VGLL4: variants seen among roughly 807,000 people sequenced by gnomAD.
VGLL4 encodes the protein transcription cofactor vestigial-like protein 4.
Under a neutral mutation model 21.0 loss-of-function variants are expected in VGLL4, and 7 were observed. The observed-to-expected ratio is 0.33, with a 90% CI of 0.19 to 0.63. The LOEUF (loss-of-function observed/expected upper bound fraction) is 0.63. VGLL4 is among the 20% of genes least tolerant of loss of function. VGLL4 has a pLI of 0.78. For missense variants in VGLL4, 394 were observed against 425.7 expected (o/e 0.93, Z 0.66); for synonymous variants, 222 against 173.2 (o/e 1.28, Z -2.21).
At chr3:11,674,046 A>T (rs1246114513) in intron 2 of VGLL4, among the ~76,000 whole-genome samples, 2 of 151,372 alleles carry the variant, frequency 1.3e-5, no homozygotes, top group African/African-American at 4.9e-5. Flanking sequence ...AAGAAATCAG[A>T]ATGGTTTCAC....
At chr3:11,686,312 G>T (rs923587085) in intron 2 of VGLL4, among the ~76,000 whole-genome samples, 1 of 152,084 alleles carries the variant, frequency 6.6e-6, no homozygotes, top group African/African-American at 2.4e-5. Flanking sequence ...TACATACAAT[G>T]GAATATTATT....
intron 2 of VGLL4, among the ~76,000 whole-genome samples, chr3:11,574,785 A>ATGTGTGTGTGTGTGTG (rs375691226): frequency 1.1e-3 from 138 of 121,772 alleles, no homozygotes; most frequent in East Asian, 9.7e-3. Context: ...TCAACTATAT[A>ATGTGTGTGTGTGTGTG]TGTGTGTGTG....
intron 1 of VGLL4, among the ~76,000 whole-genome samples, chr3:11,612,348 C>T (rs538829000): frequency 5.0e-4 from 76 of 152,198 alleles, no homozygotes; most frequent in Non-Finnish European, 9.6e-4. Context: ...CTGCAACCTC[C>T]GTGGAATTGA....
chr3:11,643,862 C>G lies in VGLL4; in HGVS notation c.-344G>C. 9.8e-7 allele frequency: 1 copy of G among 1,022,292 alleles called. No homozygotes were observed. Among genetic ancestry groups the G allele is most frequent in the Non-Finnish European group, 1.2e-6 (1 of 853,242 alleles). 63.3% of individuals were successfully genotyped at this position (1,022,292 alleles called of 1,614,324 possible). Reference sequence around the variant, plus strand: ...CAGCCCGTTTCCTAGGACAAAGCGGCGCCGGCCCCTCTCACAGCCCGCTGC... The same window carrying G: ...CAGCCCGTTTCCTAGGACAAAGCGGGGCCGGCCCCTCTCACAGCCCGCTGC... On this transcript the variant is annotated 5_prime_UTR_variant, in exon 1 of 5. Transcript: ENST00000430365.
intron 1 of VGLL4, among the ~76,000 whole-genome samples, chr3:11,617,121 A>G (rs1384978883): frequency 6.6e-6 from 1 of 152,218 alleles, no homozygotes; most frequent in Non-Finnish European, 1.5e-5. Context: ...CACACATTTT[A>G]TATGAGGGAG....
intron 2 of VGLL4, among the ~76,000 whole-genome samples, chr3:11,579,595 TG>T (rs1209168853): frequency 1.3e-5 from 2 of 152,230 alleles, no homozygotes; most frequent in East Asian, 3.9e-4. Context: ...GAAAAGAACG[TG>T]GGGGGAGTTC....
intron 1 of VGLL4, among the ~76,000 whole-genome samples, chr3:11,713,973 G>A (rs1651470903): frequency 6.6e-6 from 1 of 152,022 alleles, no homozygotes; most frequent in African/African-American, 2.4e-5. Flanking sequence ...GGAGGGCAGG[G>A]GTACGATACT....
intron 1 of VGLL4, chr3:11,611,487 T>C (rs1189064307): frequency 6.6e-6 from 1 of 152,188 alleles, no homozygotes; most frequent in Admixed American, 6.5e-5. Context: ...TACATTTCTG[T>C]TGTTTAAACC....
chr3:11,578,833 T>TCCGCCTC, intron 2 of VGLL4, among the ~76,000 whole-genome samples: 1 of 137,134 alleles, frequency 7.3e-6, no homozygotes, highest in South Asian at 2.3e-4. Context: ...CATCGCAAGC[T>TCCGCCTC]CCACCTCCCA....
intron 2 of VGLL4, chr3:11,569,013 C>CT (rs1199179586): frequency 2.1e-6 from 2 of 951,288 alleles, no homozygotes; most frequent in East Asian, 1.8e-4. Context: ...ACAGAGCTTT[C>CT]TGAGTACTGA....
At chr3:11,631,711 T>A (rs1352449304) in intron 1 of VGLL4, among the ~76,000 whole-genome samples, 1 of 152,204 alleles carries the variant, frequency 6.6e-6, no homozygotes, top group East Asian at 1.9e-4. Context: ...TCTAATTTTA[T>A]GTTTGACAAA....
chr3:11,591,425 T>C (rs932471278), intron 2 of VGLL4, among the ~76,000 whole-genome samples: 34 of 152,306 alleles, frequency 2.2e-4, no homozygotes, highest in African/African-American at 7.2e-4. Context: ...CCCTTGGCAT[T>C]TCTTCATTCT....
At chr3:11,673,769 T>G (rs2076249435) in intron 2 of VGLL4, among the ~76,000 whole-genome samples, 1 of 151,998 alleles carries the variant, frequency 6.6e-6, no homozygotes, top group Admixed American at 6.6e-5. Context: ...ATCCTAGCAC[T>G]TTGGGAGGCC....
At chr3:11,713,497 G>A (rs1559959656) in intron 1 of VGLL4, among the ~76,000 whole-genome samples, 1 of 150,062 alleles carries the variant, frequency 6.7e-6, no homozygotes, top group East Asian at 2.0e-4. Context: ...AAGGCCAAAC[G>A]TTCTAATATT....
At chr3:11,683,805 C>T (rs1270735872) in intron 2 of VGLL4, among the ~76,000 whole-genome samples, 1 of 151,892 alleles carries the variant, frequency 6.6e-6, no homozygotes, top group Admixed American at 6.6e-5. Context: ...AAAACTCAAC[C>T]TTGTAAAAAT....
At chr3:11,604,117 G>C (rs1324273101) in intron 1 of VGLL4, among the ~76,000 whole-genome samples, 1 of 152,186 alleles carries the variant, frequency 6.6e-6, no homozygotes, top group African/African-American at 2.4e-5. Context: ...GACCAGGGCT[G>C]GGGCTACAGG....
At chr3:11,685,474 G>A (rs1445558796) in intron 2 of VGLL4, among the ~76,000 whole-genome samples, 1 of 152,192 alleles carries the variant, frequency 6.6e-6, no homozygotes, top group African/African-American at 2.4e-5. Flanking sequence ...TGGGATTACA[G>A]GTGTGAGCCA....
chr3:11,616,190 G>A (rs1029784232), intron 1 of VGLL4, among the ~76,000 whole-genome samples: 3 of 150,604 alleles, frequency 2.0e-5, no homozygotes, highest in South Asian at 2.1e-4. Flanking sequence ...GTCTGCACAC[G>A]CAGGGGATGC....
intron 1 of VGLL4, chr3:11,710,526 G>C (rs1325168346): frequency 6.6e-6 from 1 of 152,172 alleles, no homozygotes; most frequent in Non-Finnish European, 1.5e-5. Flanking sequence ...CAAACTGCCA[G>C]GTGTTCCTGC....
Sources: gnomAD v4.1 joint callset for allele counts (sites outside exome capture counted in the v4.1 genomes callset) on GRCh38, gnomAD v4.1.1 for gene constraint, MANE v1.5 for transcripts, NCBI Gene and HGNC (gene_info 2026-07-23, HGNC 2026-07-21) for gene names.